The following CHODL variants were observed in gnomAD, a reference collection of about 807,000 sequenced individuals.
CHODL encodes the protein transmembrane protein MT75.
A neutral mutation model predicts 34.5 loss-of-function variants in CHODL; 29 were observed. The ratio of observed to expected loss-of-function variants is 0.84; its 90% confidence interval spans 0.63 to 1.15. CHODL has a LOEUF of 1.15. CHODL is among the 50% of genes most tolerant of loss of function. The pLI is 0.00. For synonymous variants in CHODL, 125 were observed against 116.1 expected (o/e 1.08, Z -0.49); for missense variants, 332 against 332.5 (o/e 1.00, Z 0.01).
chr21:18,029,985 C>T (rs2064228278), intron 2 of CHODL, among the ~76,000 whole-genome samples: 2 of 152,030 alleles, frequency 1.3e-5, no homozygotes, highest in Admixed American at 6.6e-5. Flanking sequence ...GCTTCTCTAG[C>T]CCCCTTGTCA....
rs111475398 is a variant in CHODL, at chr21:18,237,936, C to T, written c.-44-18573C>T. On this transcript the variant is annotated intron_variant, in intron 2 of 6. Coordinates refer to the CHODL transcript ENST00000400127. ...TAAATAAATACGCCCACAATTTTAA[C>T]AGAATAAGTGCAATATGTGCTCAAT... Among the ~76,000 whole-genome samples, 605 of 152,152 alleles carry T rather than the reference C, an allele frequency of 4.0e-3. 3 individuals are homozygous for T. Among genetic ancestry groups the T allele is most frequent in the Non-Finnish European group, 6.8e-3 (461 of 67,972 alleles).
chr21:18,165,425 T>C (rs1830015448), intron 2 of CHODL, among the ~76,000 whole-genome samples: 1 of 152,264 alleles, frequency 6.6e-6, no homozygotes, highest in Non-Finnish European at 1.5e-5. Flanking sequence ...TACATTCTGG[T>C]ATCTATTGCT....
chr21:18,144,573 G>A (rs28436267), intron 2 of CHODL, among the ~76,000 whole-genome samples: 12,297 of 152,138 alleles, frequency 0.081, 1,474 homozygotes, highest in African/African-American at 0.26. Context: ...CAAAGACCAC[G>A]GGGATCCCAC....
In CHODL at chr21:18,260,300, G is replaced by T; in HGVS notation, c.634+14G>T. ...TTACTGAAGCAGGTAATTACTTCATGTGTCTTTAACTTCATCAAGAACTGA... is the reference window on the plus strand; with the variant it reads ...TTACTGAAGCAGGTAATTACTTCATTTGTCTTTAACTTCATCAAGAACTGA... On this transcript the variant is annotated intron_variant, in intron 4 of 5. Transcript: ENST00000299295. The T allele has an allele frequency of 6.6e-7, 1 of 1,510,832 alleles. No individual in the cohort carries two copies. Among genetic ancestry groups the T allele is most frequent in the Admixed American group, 1.9e-5 (1 of 53,270 alleles). The allele number at this position is 1,510,832 out of a possible 1,614,324, so 93.6% of individuals were successfully genotyped here.
Position 17,978,743 on chromosome 21 carries a change from A to C in CHODL, c.-144-49129A>C, listed in dbSNP as rs542365008. Among the ~76,000 whole-genome samples, 486 of 149,956 alleles carry C rather than the reference A, an allele frequency of 3.2e-3. 1 individual carries two copies. Among genetic ancestry groups the C allele is most frequent in the African/African-American group, 8.5e-3 (339 of 39,758 alleles). Reference sequence around the variant, plus strand: ...AAAAAGAAAAAAAAAGAAAAAAAAAAAAACAAACAAACAGAAAAAAGATGT... The same window carrying C: ...AAAAAGAAAAAAAAAGAAAAAAAAACAAACAAACAAACAGAAAAAAGATGT... On this transcript the variant is annotated intron_variant, in intron 1 of 6. Transcript: ENST00000400127.
intron 1 of CHODL, among the ~76,000 whole-genome samples, chr21:18,007,589 GAC>G (rs1600887295): frequency 6.6e-6 from 1 of 152,150 alleles, no homozygotes; most frequent in East Asian, 1.9e-4. Context: ...TTAATGATTG[GAC>G]ACACAGTCTA....
At chr21:18,151,090 A>C (rs1261138935) in intron 2 of CHODL, among the ~76,000 whole-genome samples, 1 of 27,938 alleles carries the variant, frequency 3.6e-5, no homozygotes, top group East Asian at 4.8e-4. Context: ...GTCAAAAAAA[A>C]AAAAAAAAAA....
intron 2 of CHODL, among the ~76,000 whole-genome samples, chr21:18,057,409 G>A (rs944365393): frequency 1.3e-5 from 2 of 151,692 alleles, no homozygotes; most frequent in Admixed American, 6.6e-5. Context: ...GAGAGTTCCC[G>A]TATACCTCTC....
At chr21:18,134,276 A>G (rs1220881315) in intron 2 of CHODL, 1 of 509,596 alleles carries the variant, frequency 2.0e-6, no homozygotes, top group African/African-American at 1.9e-5. Context: ...TTATACTTGG[A>G]TGATCTCTTT....
At chr21:18,220,402 GTTTC>G (rs979888776) in intron 2 of CHODL, among the ~76,000 whole-genome samples, 8 of 152,020 alleles carry the variant, frequency 5.3e-5, no homozygotes, top group Admixed American at 2.0e-4. Flanking sequence ...ATTTTTGTTT[GTTTC>G]TTTCTTTCTC....
At chr21:18,174,139 A>ATATATATATATATATATCTTGG (rs2073271054) in intron 2 of CHODL, among the ~76,000 whole-genome samples, 1 of 88,428 alleles carries the variant, frequency 1.1e-5, no homozygotes, top group Non-Finnish European at 2.4e-5. Context: ...ATATATATAT[A>ATATATATATATATATATCTTGG]TATATATATA....
intron 2 of CHODL, among the ~76,000 whole-genome samples, chr21:18,053,967 T>TCA (rs2064548516): frequency 6.6e-6 from 1 of 151,852 alleles, no homozygotes; most frequent in Admixed American, 6.6e-5. Context: ...ATCACATATA[T>TCA]CACACCTTAT....
In CHODL at chr21:17,988,881, C is replaced by A. The variant is rs528687311; in HGVS notation, c.-144-38991C>A. On this transcript the variant is annotated intron_variant, in intron 1 of 6. Coordinates refer to the CHODL transcript ENST00000400127. ...CATACATGTGCATGTGTCTTTATAG[C>A]AGCATGATTTATAATCCTTTGGGTA... 1.1e-4 allele frequency among the ~76,000 whole-genome samples: 17 copies of A among 152,068 alleles called. 1 individual carries two copies. In the South Asian group the frequency reaches 3.3e-3, roughly 30 times the overall value.
At chr21:18,158,801 G>A (rs1406116924) in intron 2 of CHODL, among the ~76,000 whole-genome samples, 1 of 138,288 alleles carries the variant, frequency 7.2e-6, no homozygotes, top group Non-Finnish European at 1.5e-5. Flanking sequence ...TGCTGCCATT[G>A]TACTCCAGCC....
intron 1 of CHODL, among the ~76,000 whole-genome samples, chr21:17,938,495 A>ATTTGG (rs2063336036): frequency 2.4e-4 from 1 of 4,226 alleles, no homozygotes; most frequent in Non-Finnish European, 5.1e-4. Context: ...TTTTTTTTTA[A>ATTTGG]GGAAAGGGAG....
chr21:18,168,490 A>T (rs2073184952), intron 2 of CHODL, among the ~76,000 whole-genome samples: 1 of 152,122 alleles, frequency 6.6e-6, no homozygotes, highest in Non-Finnish European at 1.5e-5. Context: ...GTGGAATCTC[A>T]TTGTGGTTTT....
At position 17,985,221 on chromosome 21, in the gene CHODL, A is replaced by G. The variant is rs139047410; in HGVS notation, c.-144-42651A>G. On this transcript the variant is annotated intron_variant, in intron 1 of 6. Transcript: ENST00000400127. ...TTTCAACTCTTCTTTTATGTCCTTT[A>G]GTAAAACCTGTAGTTCTCGTCCCAT... Among the ~76,000 whole-genome samples the G allele has an allele frequency of 3.3e-4, 50 of 152,252 alleles. 1 individual carries two copies. The highest frequency in any genetic ancestry group is 1.2e-3 in the African/African-American group (49 of 41,558).
At chr21:18,011,975 T>C (rs1431340916) in intron 1 of CHODL, among the ~76,000 whole-genome samples, 2 of 152,266 alleles carry the variant, frequency 1.3e-5, no homozygotes, top group Admixed American at 1.3e-4. Flanking sequence ...GTGCCTACTA[T>C]GTGCAGGACA....
chr21:18,009,870 A>T (rs1371607587), intron 1 of CHODL, among the ~76,000 whole-genome samples: 1 of 132,362 alleles, frequency 7.6e-6, no homozygotes, highest in African/African-American at 3.2e-5. Flanking sequence ...CCTGGGCGAC[A>T]GAGCCAGACT....
Sources: gnomAD v4.1 joint callset for allele counts (sites outside exome capture counted in the v4.1 genomes callset) on GRCh38, gnomAD v4.1.1 for gene constraint, MANE v1.5 for transcripts, NCBI Gene and HGNC (gene_info 2026-07-23, HGNC 2026-07-21) for gene names.